Variants in GOLGA2 observed in about 807,000 individuals in gnomAD.
The protein encoded by GOLGA2 is golgin A2.
In GOLGA2, 49 loss-of-function variants were observed where a neutral mutation model predicts 148.8. That is an observed-to-expected ratio of 0.33 (90% CI 0.26 to 0.42). The LOEUF (loss-of-function observed/expected upper bound fraction) is 0.42. GOLGA2 is among the 10% of genes least tolerant of loss of function. The pLI is 1.00. For missense variants in GOLGA2, 1,178 were observed against 1,304.6 expected (o/e 0.90, Z 1.49); for synonymous variants, 501 against 511.8 (o/e 0.98, Z 0.28).
chr9:128,265,732 C>G (rs902782945), intron 11 of GOLGA2, 41 bp from the exon 12 acceptor site: 3 of 1,610,612 alleles, frequency 1.9e-6, no homozygotes, highest in South Asian at 1.1e-5. Context: ...AAGGACTCCC[C>G]CTAAAGGCCT....
chr9:128,273,988 G>A lies in GOLGA2; in HGVS notation c.85-16C>T, dbSNP rs1284741726. On this transcript the variant is annotated splice_polypyrimidine_tract_variant and intron_variant, in intron 1 of 26. Coordinates refer to ENST00000611957, the MANE Select transcript of GOLGA2 (RefSeq NM_001366244.2). ...ATTCTCTCAACTGTGGAAAAGAAGAGCAATAATATTCATGAGATCTACAAG... is the reference window on the plus strand; with the variant it reads ...ATTCTCTCAACTGTGGAAAAGAAGAACAATAATATTCATGAGATCTACAAG... 5 of 1,607,428 alleles carry A rather than the reference G, an allele frequency of 3.1e-6. No homozygotes were observed. The African/African-American group carries it at 4.0e-5, about 13-fold the overall frequency.
At chr9:128,267,895 T>A in intron 6 of GOLGA2, 39 bp downstream of exon 6, 1 of 1,468,144 alleles carries the variant, frequency 6.8e-7, no homozygotes, top group Non-Finnish European at 9.5e-7. Context: ...CATAGTTCCC[T>A]TCCCCCCACC....
At chr9:128,264,520 G>A (rs760315729) in intron 12 of GOLGA2, among the ~76,000 whole-genome samples, 24 of 152,068 alleles carry the variant, frequency 1.6e-4, no homozygotes, top group Non-Finnish European at 2.9e-4. Flanking sequence ...TTCCGCCCCC[G>A]GGTTCAAGCA....
In GOLGA2 at chr9:128,268,145, T is replaced by C. The variant is rs1487994770; in HGVS notation, c.409A>G (p.Asn137Asp). Residue 137 changes from asparagine (N) to aspartate (D), a missense_variant, in exon 5 of 27, where the codon AAT becomes GAT. Physicochemically the swap from Asn to Asp is conservative, Grantham distance 23. Transcript: ENST00000611957. ...MAASQNHDADNVPNLMDETKT... is the reference protein window; with the variant it reads ...MAASQNHDADDVPNLMDETKT... Reference sequence around the variant, plus strand: ...GTTTCATCCATGAGATTAGGGACATTGTCAGCATCATGATTCTGTTTGGGA... The same window carrying C: ...GTTTCATCCATGAGATTAGGGACATCGTCAGCATCATGATTCTGTTTGGGA... 1 of 1,613,474 alleles carries C rather than the reference T, an allele frequency of 6.2e-7. No homozygotes were observed. Among genetic ancestry groups the C allele is most frequent in the Non-Finnish European group, 8.5e-7 (1 of 1,179,436 alleles).
At position 128,266,530 on chromosome 9, in the gene GOLGA2, C is replaced by T. The variant is rs906670788; in HGVS notation, c.643-205G>A. 8 of 604,658 alleles carry T rather than the reference C, an allele frequency of 1.3e-5. No homozygotes were observed. Among genetic ancestry groups the T allele is most frequent in the African/African-American group, 1.9e-5 (1 of 53,844 alleles). The allele number at this position is 604,658 out of a possible 1,614,324, so 37.5% of individuals were successfully genotyped here. A position where few individuals can be genotyped will look rare whatever the true frequency, so the allele number is the denominator to read the frequency against. ...TTGGTTTTTGCCCACAGCCACAGAA[C>T]TGAAAGTCTGAATCTCGATTCTCTT... On this transcript the variant is annotated intron_variant, in intron 8 of 26. Transcript: ENST00000611957. This position sits in a 1 kb window ranked among gnomAD's most constrained non-coding sequence, Gnocchi z 4.2.
chr9:128,275,329 G>A, intron 1 of GOLGA2: 1 of 1,091,754 alleles, frequency 9.2e-7, no homozygotes, highest in East Asian at 3.2e-5. Context: ...ACTAATTACG[G>A]TTCCGAGGGG....
rs1390831881 is a variant in GOLGA2, at chr9:128,257,593, C to T, written c.2718+8G>A. 1.2e-6 allele frequency: 2 copies of T among 1,613,924 alleles called. No homozygotes were observed. The highest frequency in any genetic ancestry group is 1.7e-6 in the Non-Finnish European group (2 of 1,179,900). On this transcript the variant is annotated splice_region_variant and intron_variant, in intron 25 of 26. Transcript: ENST00000611957. This position sits in a 1 kb window ranked among gnomAD's most constrained non-coding sequence, Gnocchi z 8.0. ...CACCTCCACCCCCAGAGATGTTCCACACCCTACCTTCATCTCCTCCTTGTC... is the reference window on the plus strand; with the variant it reads ...CACCTCCACCCCCAGAGATGTTCCATACCCTACCTTCATCTCCTCCTTGTC...
At chr9:128,275,615 G>T in intron 1 of GOLGA2, 1 of 842,134 alleles carries the variant, frequency 1.2e-6, no homozygotes, top group South Asian at 2.2e-5. Context: ...AAAGAGCCCA[G>T]GGAGGTCGGA....
chr9:128,268,039 A>G (rs1027035056), intron 5 of GOLGA2, 42 bp from the exon 6 acceptor site: 25 of 1,605,654 alleles, frequency 1.6e-5, no homozygotes, highest in Middle Eastern at 1.6e-4. Flanking sequence ...AGGTGGCTCA[A>G]TGGGAAAGAA....
intron 1 of GOLGA2, chr9:128,275,394 G>C (rs1048063325): frequency 2.3e-6 from 3 of 1,285,884 alleles, no homozygotes; most frequent in African/African-American, 3.1e-5. Context: ...CGACGTCCAA[G>C]TCGCCGCTCC....
rs761031108 is a variant in GOLGA2, at chr9:128,261,387, C to T, written c.1332+67G>A. ...ACCTCTGGCTGTGCTCCTCCCATTT[C>T]GCAGATGCCCAGAAAGATCAAGTGA... is the stretch of plus-strand genomic sequence containing the variant. On this transcript the variant is annotated intron_variant, in intron 16 of 26. Transcript: ENST00000611957. This position sits in a 1 kb window ranked among gnomAD's most constrained non-coding sequence, Gnocchi z 5.7. The T allele has an allele frequency of 2.2e-4, 274 of 1,227,416 alleles. 2 individuals carry two copies. In the South Asian group the frequency reaches 2.6e-3, roughly 12 times the overall value. 76.0% of individuals were successfully genotyped at this position (1,227,416 alleles called of 1,614,324 possible). A position where few individuals can be genotyped will look rare whatever the true frequency, so the allele number is the denominator to read the frequency against.
chr9:128,257,173 C>G lies in GOLGA2; in HGVS notation c.2984G>C (p.Arg995Pro). 4 of 1,614,010 alleles carry G rather than the reference C, an allele frequency of 2.5e-6. No individual in the cohort carries two copies. Among genetic ancestry groups the G allele is most frequent in the Non-Finnish European group, 3.4e-6 (4 of 1,179,906 alleles). The part of the protein sequence containing the change: ...PTAQQIMQLL[R>P]EMQNPRERPG... ...GCGCTCCCGGGGGTTCTGCATCTCA[C>G]GAAGCAGCTGCATGATCTGCTGTGC... Residue 995 changes from arginine to proline, a missense_variant, in exon 27 of 27, where the codon CGT (arginine) becomes CCT (proline). Around this residue, in one of 5 missense-constraint regions of GOLGA2, gnomAD observed 149 missense variants for 154.9 expected, o/e 0.96. Coordinates refer to ENST00000611957, the MANE Select transcript of GOLGA2 (RefSeq NM_001366244.2). This position sits in a 1 kb window ranked among gnomAD's most constrained non-coding sequence, Gnocchi z 8.0.
At position 128,268,001 on chromosome 9, in the gene GOLGA2, G is replaced by C. The variant is rs1224638966; in HGVS notation, c.438-4C>G. On this transcript the variant is annotated splice_polypyrimidine_tract_variant and splice_region_variant and intron_variant, in intron 5 of 26. Transcript: ENST00000611957. Reference sequence around the variant, plus strand: ...GCTCTCGGTTGATGAGAAAGTCCTAGGGATGGAGACACAGGGGTCAGGGGT... The same window carrying C: ...GCTCTCGGTTGATGAGAAAGTCCTACGGATGGAGACACAGGGGTCAGGGGT... 2 of 1,613,766 alleles carry C rather than the reference G, an allele frequency of 1.2e-6. No homozygotes were observed. Among genetic ancestry groups the C allele is most frequent in the Non-Finnish European group, 1.7e-6 (2 of 1,179,662 alleles).
chr9:128,258,523 C>T lies in GOLGA2; in HGVS notation c.2221G>A (p.Glu741Lys), dbSNP rs149061670. 339 of 1,578,078 alleles carry T rather than the reference C, an allele frequency of 2.1e-4. No individual in the cohort carries two copies. Among genetic ancestry groups the T allele is most frequent in the Non-Finnish European group, 2.8e-4 (323 of 1,168,282 alleles). Reference protein sequence around the residue: ...EEEEDEEEEEEEAVAVPQPMP... With the variant: ...EEEEDEEEEEKEAVAVPQPMP... ...GGCTGAGGTACTGCCACCGCCTCCT[C>T]CTCCTCCTCCTCCTCATCCTCCTCC... Residue 741 changes from glutamate (E) to lysine (K), a missense_variant, in exon 22 of 27, where the codon GAG becomes AAG. Coordinates refer to ENST00000611957, the MANE Select transcript of GOLGA2 (RefSeq NM_001366244.2). This position sits in a 1 kb window ranked among gnomAD's most constrained non-coding sequence, Gnocchi z 6.6.
At chr9:128,264,973 C>A (rs749730714) in intron 12 of GOLGA2, among the ~76,000 whole-genome samples, 4 of 152,064 alleles carry the variant, frequency 2.6e-5, no homozygotes, top group Non-Finnish European at 5.9e-5. Flanking sequence ...AGACAGAGCT[C>A]GGATTTGAAC....
Position 128,266,027 on chromosome 9 carries a change from G to A in GOLGA2, c.682-7C>T, listed in dbSNP as rs200171434. ...GGTGGCATTCTTTCTTTTCCTATAG[G>A]AAGAGGAAGACAGAGCTCTTACGAG... On this transcript the variant is annotated splice_polypyrimidine_tract_variant and splice_region_variant and intron_variant, in intron 9 of 26. Coordinates refer to ENST00000611957, the MANE Select transcript of GOLGA2 (RefSeq NM_001366244.2). The surrounding 1 kb of genome is among the most constrained non-coding windows in gnomAD (Gnocchi z 4.2). 3.1e-4 allele frequency: 494 copies of A among 1,610,514 alleles called. No homozygotes were observed. Among genetic ancestry groups the A allele is most frequent in the Non-Finnish European group, 3.8e-4 (452 of 1,176,866 alleles).
rs775789837 is a variant in GOLGA2, at chr9:128,257,336, T to C, written c.2875+33A>G. On this transcript the variant is annotated intron_variant, in intron 26 of 26. Transcript: ENST00000611957. The surrounding 1 kb of genome is among the most constrained non-coding windows in gnomAD (Gnocchi z 8.0). ...TGCCACGCGAGCCCTCCCTTACTCC[T>C]GCCTGCCCACCCCTCCCGAGGGCTC... is the stretch of plus-strand genomic sequence containing the variant. The C allele has an allele frequency of 3.1e-6, 5 of 1,612,882 alleles. No homozygotes were observed.
In GOLGA2 at chr9:128,260,631, A is replaced by G. The variant is rs1273101144; in HGVS notation, c.1592T>C (p.Leu531Pro). 1 of 1,611,916 alleles carries G rather than the reference A, an allele frequency of 6.2e-7. No individual in the cohort carries two copies. Among genetic ancestry groups the G allele is most frequent in the South Asian group, 1.1e-5 (1 of 91,080 alleles). ...SRLNREQEERLLELERAAELW... is the reference protein window; with the variant it reads ...SRLNREQEERPLELERAAELW... ...CTCGGCCGCCCGCTCCAGCTCCAGC[A>G]GCCTCTCCTCCTGCTCCCGGTTCAG... The change falls in exon 18 of 27, where the codon CTG becomes CCG. Residue 531 changes from leucine (L) to proline (P), a missense_variant. Transcript: ENST00000611957. This position sits in a 1 kb window ranked among gnomAD's most constrained non-coding sequence, Gnocchi z 4.8.
In GOLGA2 at chr9:128,266,012, T is replaced by C. The variant is rs755654044; in HGVS notation, c.690A>G (p.Lys230=). 14 of 1,613,124 alleles carry C rather than the reference T, an allele frequency of 8.7e-6. 1 individual carries two copies. In the Middle Eastern group the frequency reaches 5.0e-4, roughly 57 times the overall value. ...EITDQLEEEK[K]ECHQKQGALR... ...GGGCTCCCTGCTTTTGGTGGCATTC[T>C]TTCTTTTCCTATAGGAAGAGGAAGA... Residue 230 remains lysine (K), a synonymous_variant, in exon 10 of 27, where the codon AAA becomes AAG. Coordinates refer to ENST00000611957, the MANE Select transcript of GOLGA2 (RefSeq NM_001366244.2). The surrounding 1 kb of genome is among the most constrained non-coding windows in gnomAD (Gnocchi z 4.2).
Sources: gnomAD v4.1 joint callset for allele counts (sites outside exome capture counted in the v4.1 genomes callset) on GRCh38, gnomAD v4.1.1 for gene constraint, gnomAD v4.1.1 regional missense constraint, Gnocchi (gnomAD v3.1) non-coding constraint, MANE v1.5 for transcripts, NCBI Gene and HGNC (gene_info 2026-07-23, HGNC 2026-07-21) for gene names.